Variants in INPP4A observed in about 807,000 individuals in gnomAD.
INPP4A encodes the protein inositol polyphosphate-4-phosphatase, type I, 107kD.
A neutral mutation model predicts 119.8 loss-of-function variants in INPP4A; 33 were observed. The observed-to-expected ratio is 0.28, with a 90% CI of 0.21 to 0.37. The LOEUF is 0.37. Ranked by LOEUF, INPP4A falls within the 10% of genes least tolerant of loss-of-function variation. The pLI, the probability that INPP4A is intolerant of heterozygous loss-of-function variation, is 1.00. For synonymous variants in INPP4A, 496 were observed against 500.7 expected, an observed-to-expected ratio of 0.99 and a Z score of 0.12; for missense variants, 956 against 1,289.9, an observed-to-expected ratio of 0.74 and a Z score of 3.97.
chr2:98,582,992 A>T (rs929945799), intron 24 of INPP4A, among the ~76,000 whole-genome samples: 4 of 151,892 alleles, frequency 2.6e-5, no homozygotes, highest in African/African-American at 9.7e-5. Flanking sequence ...CACCAGACAC[A>T]GATCACCTAC....
At chr2:98,577,553 T>C (rs1445745380) in intron 24 of INPP4A, among the ~76,000 whole-genome samples, 29 of 152,252 alleles carry the variant, frequency 1.9e-4, no homozygotes, top group Admixed American at 1.9e-3. Flanking sequence ...TTGATATCTG[T>C]ACATTTCCAA....
intron 1 of INPP4A, among the ~76,000 whole-genome samples, chr2:98,463,539 T>G (rs1355236661): frequency 9.9e-5 from 15 of 152,208 alleles, no homozygotes; most frequent in Admixed American, 3.3e-4. Context: ...TATGGCATGG[T>G]CATTCATCAC....
Position 98,543,911 on chromosome 2 carries a change from C to T in INPP4A, c.853C>T (p.Pro285Ser). 1 of 1,612,776 alleles carries T rather than the reference C, an allele frequency of 6.2e-7. No individual in the cohort carries two copies. Among genetic ancestry groups the T allele is most frequent in the South Asian group, 1.1e-5 (1 of 90,826 alleles). The change falls in exon 11 of 25, where the codon CCT becomes TCT. Residue 285 changes from proline (P) to serine (S), a missense_variant. Transcript: ENST00000409851. ...GCTGGAGGAGCTGGGAGAGCTGTCC[C>T]CTTGCTGGGAGAGCCTCCGGCGCCA... ...CELEELGELS[P>S]CWESLRRQIV...
intron 1 of INPP4A, among the ~76,000 whole-genome samples, chr2:98,479,389 C>T (rs375378675): frequency 2.0e-5 from 3 of 152,148 alleles, no homozygotes; most frequent in Non-Finnish European, 4.4e-5. Flanking sequence ...AGAAGCCAGG[C>T]GCTGACTGCT....
intron 18 of INPP4A, 144 bp downstream of exon 18, chr2:98,563,781 T>A: frequency 1.3e-6 from 1 of 798,108 alleles, no homozygotes; most frequent in Non-Finnish European, 2.0e-6. Context: ...AAAGGTTATT[T>A]AATAGAGAGG....
At chr2:98,465,054 C>T (rs1383328544) in intron 1 of INPP4A, among the ~76,000 whole-genome samples, 6 of 152,216 alleles carry the variant, frequency 3.9e-5, no homozygotes, top group Non-Finnish European at 1.5e-5. Flanking sequence ...TGCCAGATAG[C>T]GTGCTGATTG....
rs1216142672 is a variant in INPP4A at position 98,554,323 on chromosome 2, A to G, written c.1400A>G (p.His467Arg). The G allele has an allele frequency of 1.2e-6, 2 of 1,612,648 alleles. No individual in the cohort carries two copies. Among genetic ancestry groups the G allele is most frequent in the Admixed American group, 1.7e-5 (1 of 59,828 alleles). ...TGCAAGCTCCTGGCCAACTCCATCC[A>G]TGGGCTGAACGCTGCACGGCCTGAC... ...CDCKLLANSI[H>R]GLNAARPDYI... The change falls in exon 15 of 25, where the codon CAT becomes CGT. Residue 467 changes from histidine (H) to arginine (R), a missense_variant. Physicochemically the swap from His to Arg is conservative, Grantham distance 29. Transcript: ENST00000409851. The surrounding 1 kb of genome is among the most constrained non-coding windows in gnomAD (Gnocchi z 4.7).
intron 20 of INPP4A, 114 bp from the exon 21 acceptor site, chr2:98,565,914 AG>A: frequency 6.7e-7 from 1 of 1,494,324 alleles, no homozygotes; most frequent in Non-Finnish European, 9.1e-7. Flanking sequence ...ACTCCCTTAA[AG>A]GTCTGTGGTT....
intron 1 of INPP4A, among the ~76,000 whole-genome samples, chr2:98,515,492 A>G (rs976970050): frequency 1.1e-4 from 17 of 152,068 alleles, no homozygotes; most frequent in Non-Finnish European, 2.1e-4. Context: ...AGGGGCCCCC[A>G]TTGCACTTGG....
intron 1 of INPP4A, among the ~76,000 whole-genome samples, chr2:98,450,247 G>C (rs1694990491): frequency 6.6e-6 from 1 of 152,162 alleles, no homozygotes; most frequent in African/African-American, 2.4e-5. Context: ...CCCGAGGGTA[G>C]TTAAAAGAGG....
chr2:98,512,109 C>G (rs1685220348), intron 1 of INPP4A, among the ~76,000 whole-genome samples: 1 of 152,232 alleles, frequency 6.6e-6, no homozygotes, highest in African/African-American at 2.4e-5. Flanking sequence ...GAGAACCTCA[C>G]ATGCCAAGGT....
At chr2:98,579,372 A>G (rs976079499) in intron 24 of INPP4A, among the ~76,000 whole-genome samples, 83 of 152,206 alleles carry the variant, frequency 5.5e-4, no homozygotes, top group Non-Finnish European at 7.3e-5. Context: ...ACTATAATTT[A>G]TCCAATTTGC....
chr2:98,494,831 C>G lies in INPP4A; in HGVS notation c.-165-24133C>G, dbSNP rs532219498. On this transcript the variant is annotated intron_variant, in intron 1 of 24. Coordinates refer to ENST00000409851, the MANE Select transcript of INPP4A (RefSeq NM_001134225.2). ...AACAATGTATGCCCTAGGCAGTTGTCAAAAACAATAGAGCAATCAGGCAGC... is the reference window on the plus strand; with the variant it reads ...AACAATGTATGCCCTAGGCAGTTGTGAAAAACAATAGAGCAATCAGGCAGC... Among the ~76,000 whole-genome samples, 4 of 152,300 alleles carry G rather than the reference C, an allele frequency of 2.6e-5. No individual in the cohort carries two copies. In the South Asian group the frequency reaches 8.3e-4, roughly 32 times the overall value.
intron 1 of INPP4A, among the ~76,000 whole-genome samples, chr2:98,462,985 G>T (rs1190776854): frequency 6.6e-6 from 1 of 152,130 alleles, no homozygotes; most frequent in African/African-American, 2.4e-5. Flanking sequence ...GGGATTACAG[G>T]TGTGTGCCAT....
At chr2:98,500,064 G>A (rs1682813888) in intron 1 of INPP4A, among the ~76,000 whole-genome samples, 1 of 152,238 alleles carries the variant, frequency 6.6e-6, no homozygotes, top group African/African-American at 2.4e-5. Context: ...TCTCCAGAGA[G>A]AATGTGTCAT....
chr2:98,506,295 A>G (rs1032166139), intron 1 of INPP4A, among the ~76,000 whole-genome samples: 4 of 152,244 alleles, frequency 2.6e-5, no homozygotes, highest in Admixed American at 1.3e-4. Flanking sequence ...TATCGGAAAG[A>G]GCACTGGACT....
chr2:98,517,415 A>G lies in INPP4A; in HGVS notation c.-165-1549A>G, dbSNP rs117442123. ...AGGTCACAGGGTAGGTGCATGTTCA[A>G]CTTAAGTAGAGACGGCCAGTTTTCC... On this transcript the variant is annotated intron_variant, in intron 1 of 24. Coordinates refer to ENST00000409851, the MANE Select transcript of INPP4A (RefSeq NM_001134225.2). Among the ~76,000 whole-genome samples the G allele has an allele frequency of 3.2e-3, 481 of 152,226 alleles. 27 individuals are homozygous for G. The East Asian group carries it at 0.084, about 26-fold the overall frequency.
chr2:98,447,533 CAT>C (rs1220820983), intron 1 of INPP4A, among the ~76,000 whole-genome samples: 5 of 152,006 alleles, frequency 3.3e-5, no homozygotes, highest in African/African-American at 1.2e-4. Context: ...TTCATATGCA[CAT>C]GTTATTCTCT....
chr2:98,538,669 G>A (rs1690786067), intron 8 of INPP4A, among the ~76,000 whole-genome samples: 3 of 152,222 alleles, frequency 2.0e-5, no homozygotes, highest in Non-Finnish European at 4.4e-5. Flanking sequence ...TGAAGTGACT[G>A]AGAAACCATG....
Sources: gnomAD v4.1 joint callset for allele counts (sites outside exome capture counted in the v4.1 genomes callset) on GRCh38, gnomAD v4.1.1 for gene constraint, Gnocchi (gnomAD v3.1) non-coding constraint, MANE v1.5 for transcripts, NCBI Gene and HGNC (gene_info 2026-07-23, HGNC 2026-07-21) for gene names.